ACTB: variants seen among roughly 807,000 people sequenced by gnomAD.
ACTB encodes the protein actin, cytoplasmic 1.
ACTB carries 2 observed loss-of-function variants against 30.5 expected under a neutral mutation model. The observed-to-expected ratio is 0.07, with a 90% confidence interval of 0.03 to 0.21. The LOEUF is 0.21. Among genes scored for constraint, ACTB ranks in the 10% least tolerant of loss-of-function variants. ACTB has a pLI of 1.00. For synonymous variants in ACTB, 335 were observed against 217.6 expected (o/e 1.54, Z -4.75); for missense variants, 56 against 530.0 (o/e 0.11, Z 8.78).
chr7:5,528,679 G>C lies in ACTB; in HGVS notation c.404C>G (p.Ala135Gly). Residue 135 changes from alanine (A) to glycine (G), a missense_variant, in exon 4 of 6, where the codon GCT becomes GGT. Physicochemically the swap from Ala to Gly is moderately conservative, Grantham distance 60 (BLOSUM62 0). Transcript: ENST00000646664. Reference protein sequence around the residue: ...ETFNTPAMYVAIQAVLSLYAS... With the variant: ...ETFNTPAMYVGIQAVLSLYAS... ...GTACAGGGATAGCACAGCCTGGATAGCAACGTACATGGCTGGGGTGTTGAA... is the reference window on the plus strand; with the variant it reads ...GTACAGGGATAGCACAGCCTGGATACCAACGTACATGGCTGGGGTGTTGAA... 1 of 1,613,958 alleles carries C rather than the reference G, an allele frequency of 6.2e-7. No homozygotes were observed. Among genetic ancestry groups the C allele is most frequent in the Non-Finnish European group, 8.5e-7 (1 of 1,180,024 alleles).
Position 5,529,308 on chromosome 7 carries a change from C to T in ACTB, c.216G>A (p.Glu72=). ...CGTCCCAGTTGGTGACGATGCCGTG[C>T]TCGATGGGGTACTTCAGGGTGAGGA... The part of the protein sequence containing the change: ...RGILTLKYPI[E]HGIVTNWDDM... The change falls in exon 3 of 6, where the codon GAG becomes GAA. Residue 72 remains glutamate, a synonymous_variant. Coordinates refer to ENST00000646664, the MANE Select transcript of ACTB (RefSeq NM_001101.5). 3.1e-6 allele frequency: 5 copies of T among 1,614,070 alleles called. No individual in the cohort carries two copies. Among genetic ancestry groups the T allele is most frequent in the Non-Finnish European group, 4.2e-6 (5 of 1,180,040 alleles).
At chr7:5,529,834 TC>T in intron 1 of ACTB, 171 bp from the exon 2 acceptor site, 2 of 1,123,984 alleles carry the variant, frequency 1.8e-6, no homozygotes, top group Non-Finnish European at 1.3e-6. Context: ...GTCGGAGGCG[TC>T]CCCGCGGCGC....
Position 5,527,415 on chromosome 7 carries a change from ACTGGGC to A in ACTB, c.*327_*332del. ...CTCCCCTGTGTGGACTTGGGAGAGG[ACTGGGC>A]CATTCTCCTTAGAGAGAAGTGGGGT... On this transcript the variant is annotated 3_prime_UTR_variant, in exon 6 of 6. Coordinates refer to ENST00000646664, the MANE Select transcript of ACTB (RefSeq NM_001101.5). The A allele has an allele frequency of 2.3e-6, 1 of 440,816 alleles. No individual in the cohort carries two copies. The highest frequency in any genetic ancestry group is 4.2e-6 in the Non-Finnish European group (1 of 239,778). 27.3% of individuals were successfully genotyped at this position (440,816 alleles called of 1,614,324 possible). A position where few individuals can be genotyped will look rare whatever the true frequency, so the allele number is the denominator to read the frequency against.
At chr7:5,529,746 G>A in intron 1 of ACTB, 83 bp from the exon 2 acceptor site, 1 of 1,595,120 alleles carries the variant, frequency 6.3e-7, no homozygotes, top group Non-Finnish European at 8.5e-7. Flanking sequence ...TAGGCCGCCA[G>A]GGGGCGCCGG....
intron 2 of ACTB, 58 bp downstream of exon 2, chr7:5,529,477 A>T: frequency 6.2e-7 from 1 of 1,612,912 alleles, no homozygotes; most frequent in Non-Finnish European, 8.5e-7. Context: ...CTGTGCAGAG[A>T]AAGCGCCCTT....
intron 1 of ACTB, 109 bp from the exon 2 acceptor site, chr7:5,529,772 G>A (rs1020227838): frequency 6.4e-7 from 1 of 1,551,584 alleles, no homozygotes; most frequent in Non-Finnish European, 8.8e-7. Flanking sequence ...GCCCAGATTG[G>A]GGACAAAGGA....
intron 4 of ACTB, 28 bp from the exon 5 acceptor site, chr7:5,528,213 G>A: frequency 6.2e-7 from 1 of 1,613,880 alleles, no homozygotes; most frequent in South Asian, 1.1e-5. Flanking sequence ...GCAGGACTTA[G>A]CTTCCACAGC....
At position 5,528,579 on chromosome 7, in the gene ACTB, C is replaced by T. The variant is rs377646770; in HGVS notation, c.504G>A (p.Gly168=). Reference sequence around the variant, plus strand: ...GCAGGATGGCATGGGGGAGGGCATACCCCTCGTAGATGGGCACAGTGTGGG... The same window carrying T: ...GCAGGATGGCATGGGGGAGGGCATATCCCTCGTAGATGGGCACAGTGTGGG... The part of the protein sequence containing the change: ...GVTHTVPIYE[G]YALPHAILRL... The change falls in exon 4 of 6, where the codon GGG becomes GGA. Residue 168 remains glycine, a synonymous_variant. Transcript: ENST00000646664. The T allele has an allele frequency of 1.2e-6, 2 of 1,613,982 alleles. No homozygotes were observed. The highest frequency in any genetic ancestry group is 1.7e-6 in the Non-Finnish European group (2 of 1,180,032).
chr7:5,529,805 C>T (rs533676634), intron 1 of ACTB, 142 bp from the exon 2 acceptor site: 5 of 1,365,128 alleles, frequency 3.7e-6, no homozygotes, highest in African/African-American at 1.4e-5. Flanking sequence ...CGCGTTATTA[C>T]CATAAAAGGC....
chr7:5,527,720 G>A lies in ACTB; in HGVS notation c.*28C>T, dbSNP rs1201609614. On this transcript the variant is annotated 3_prime_UTR_variant, in exon 6 of 6. Coordinates refer to ENST00000646664, the MANE Select transcript of ACTB (RefSeq NM_001101.5). ...CGCAAGTTAGGTTTTGTCAAGAAAG[G>A]GTGTAACGCAACTAAGTCATAGTCC... 3.7e-6 allele frequency: 6 copies of A among 1,612,808 alleles called. No individual in the cohort carries two copies. Among genetic ancestry groups the A allele is most frequent in the African/African-American group, 2.7e-5 (2 of 74,878 alleles).
At chr7:5,529,908 C>T (rs1784850897) in intron 1 of ACTB, 1 of 543,860 alleles carries the variant, frequency 1.8e-6, no homozygotes, top group African/African-American at 2.1e-5. Flanking sequence ...CCGCCCGGTT[C>T]AAACAGCGCC....
intron 5 of ACTB, 54 bp from the exon 6 acceptor site, chr7:5,527,945 A>G (rs1784800904): frequency 6.2e-7 from 1 of 1,612,986 alleles, no homozygotes; most frequent in Admixed American, 1.7e-5. Context: ...AGCTCCCCAC[A>G]CACCACAGGA....
At chr7:5,530,009 C>T in intron 1 of ACTB, 1 of 165,622 alleles carries the variant, frequency 6.0e-6, no homozygotes, top group Non-Finnish European at 1.3e-5. Context: ...GCCGCGGCGA[C>T]CCCACCCCTT....
rs1283139041 is a variant in ACTB at position 5,527,985 on chromosome 7, A to T, written c.984+19T>A. On this transcript the variant is annotated intron_variant, in intron 5 of 5. Coordinates refer to ENST00000646664, the MANE Select transcript of ACTB (RefSeq NM_001101.5). The stretch of plus-strand genomic sequence containing the variant: ...ACAGCCGACCTGCCCAGGTCAGCTC[A>T]GGCAGGAAAGACACCCACCTTGATC... The T allele has an allele frequency of 6.2e-7, 1 of 1,613,168 alleles. No individual in the cohort carries two copies. Among genetic ancestry groups the T allele is most frequent in the African/African-American group, 1.3e-5 (1 of 75,040 alleles).
Position 5,527,641 on chromosome 7 carries a change from C to T in ACTB, c.*107G>A. The T allele has an allele frequency of 1.4e-6, 2 of 1,469,996 alleles. No homozygotes were observed. Among genetic ancestry groups the T allele is most frequent in the East Asian group, 2.3e-5 (1 of 43,354 alleles). The allele number at this position is 1,469,996 out of a possible 1,614,324, so 91.1% of individuals were successfully genotyped here. A position where few individuals can be genotyped will look rare whatever the true frequency, so the allele number is the denominator to read the frequency against. ...GTCAAGCCAAAAAAAAAAAAAAAAC[C>T]AAAACAAAACAAAAAAAACAAATAA... On this transcript the variant is annotated 3_prime_UTR_variant, in exon 6 of 6. Transcript: ENST00000646664.
chr7:5,527,970 TGCC>T, intron 5 of ACTB, 31 bp downstream of exon 5: 1 of 1,613,172 alleles, frequency 6.2e-7, no homozygotes, highest in East Asian at 2.2e-5. Context: ...ACAGCCGACC[TGCC>T]CAGGTCAGCT....
intron 2 of ACTB, 42 bp from the exon 3 acceptor site, chr7:5,529,442 C>A: frequency 6.2e-7 from 1 of 1,613,572 alleles, no homozygotes; most frequent in Non-Finnish European, 8.5e-7. Flanking sequence ...CGGGCGCAGC[C>A]CCCACCCCGG....
chr7:5,529,821 C>A (rs778206758), intron 1 of ACTB, 158 bp from the exon 2 acceptor site: 4 of 1,244,168 alleles, frequency 3.2e-6, no homozygotes, highest in Non-Finnish European at 4.6e-6. Flanking sequence ...AAGGCAAACA[C>A]TGGTCGGAGG....
At position 5,528,333 on chromosome 7, in the gene ACTB, A is replaced by G. The variant is rs1584261821; in HGVS notation, c.750T>C (p.Ile250=). The G allele has an allele frequency of 6.2e-7, 1 of 1,614,166 alleles. No homozygotes were observed. Among genetic ancestry groups the G allele is most frequent in the Non-Finnish European group, 8.5e-7 (1 of 1,180,046 alleles). The change falls in exon 4 of 6, where the codon ATT becomes ATC. Residue 250 remains isoleucine (I), a synonymous_variant. Coordinates refer to ENST00000646664, the MANE Select transcript of ACTB (RefSeq NM_001101.5). ...YELPDGQVIT[I]GNERFRCPEA... ...CAGGGCAGCGGAACCGCTCATTGCC[A>G]ATGGTGATGACCTGGCCGTCAGGCA...
Sources: allele counts gnomAD v4.1 joint callset, GRCh38; gene constraint gnomAD v4.1.1; transcripts MANE v1.5; gene names NCBI Gene and HGNC (gene_info 2026-07-23, HGNC 2026-07-21).